The following ACSBG2 variants were observed in gnomAD, a reference collection of about 807,000 sequenced individuals.
The protein encoded by ACSBG2 is acyl-CoA synthetase bubblegum family member 2.
A neutral mutation model predicts 74.7 loss-of-function variants in ACSBG2; 62 were observed. That is an observed-to-expected ratio of 0.83 (90% confidence interval 0.68 to 1.03). ACSBG2 has a LOEUF of 1.03. Ranked by LOEUF, ACSBG2 falls within the 50% of genes least tolerant of loss-of-function variation. The pLI is 0.00. For synonymous variants in ACSBG2, 309 were observed against 294.1 expected (o/e 1.05, Z -0.52); for missense variants, 730 against 817.6 (o/e 0.89, Z 1.31).
chr19:6,192,627 G>A (rs527472352), intron 14 of ACSBG2, 41 bp from the exon 15 acceptor site: 4 of 152,154 alleles, frequency 2.6e-5, no homozygotes, highest in South Asian at 2.1e-4. Context: ...CACATATTAC[G>A]AGAATCCCCA....
chr19:6,151,813 G>A lies in ACSBG2; in HGVS notation c.386+18G>A, dbSNP rs746646233. On this transcript the variant is annotated intron_variant, in intron 4 of 14. Coordinates refer to ENST00000588485, the MANE Select transcript of ACSBG2 (RefSeq NM_030924.5). ...CTAGCCGGGTAAGGTCATTGGCTTG[G>A]TTCATGGTGAGGGTTAAGGAGCCGC... 1 of 1,576,346 alleles carries A rather than the reference G, an allele frequency of 6.3e-7. No homozygotes were observed. The highest frequency in any genetic ancestry group is 1.2e-5 in the South Asian group (1 of 86,228).
Position 6,147,650 on chromosome 19 carries a change from G to A in ACSBG2, c.272G>A (p.Arg91Gln), listed in dbSNP as rs773930895. The change falls in exon 3 of 15, where the codon CGG (arginine) becomes CAG (glutamine). Residue 91 changes from arginine (R) to glutamine (Q), a missense_variant. By Grantham distance (43) the Arg-to-Gln change is conservative (BLOSUM62 1). Transcript: ENST00000588485. Reference protein sequence around the residue: ...LNFNQYYEACRKAAKSLIKLG... With the variant: ...LNFNQYYEACQKAAKSLIKLG... The stretch of plus-strand genomic sequence containing the variant: ...TTCAACCAGTACTATGAGGCTTGTC[G>A]GAAGGCTGCAAAATCCTTGATCAAG... 33 of 1,614,010 alleles carry A rather than the reference G, an allele frequency of 2.0e-5. No homozygotes were observed. The highest frequency in any genetic ancestry group is 2.0e-4 in the East Asian group (9 of 44,898).
At chr19:6,181,481 G>T (rs2145229262) in intron 8 of ACSBG2, among the ~76,000 whole-genome samples, 1 of 152,218 alleles carries the variant, frequency 6.6e-6, no homozygotes, top group South Asian at 2.1e-4. Context: ...CCAAATTTGT[G>T]GTTTGCAAAT....
chr19:6,150,409 G>A (rs138196730), intron 3 of ACSBG2, among the ~76,000 whole-genome samples: 118 of 151,908 alleles, frequency 7.8e-4, no homozygotes, highest in African/African-American at 2.7e-3. Flanking sequence ...TCATAGCGGC[G>A]TTATTCACAA....
In ACSBG2 at chr19:6,189,101, G is replaced by C. The variant is rs75351061; in HGVS notation, c.1927+1256G>C. Among the ~76,000 whole-genome samples, 9 of 152,180 alleles carry C rather than the reference G, an allele frequency of 5.9e-5. No individual in the cohort carries two copies. In the East Asian group the frequency reaches 1.7e-3, roughly 29 times the overall value. Reference sequence around the variant, plus strand: ...CCTAATGATGAATGTTGAGTGTGCTGTAAGTGTGGCTGATTTTAGTTTGTC... The same window carrying C: ...CCTAATGATGAATGTTGAGTGTGCTCTAAGTGTGGCTGATTTTAGTTTGTC... On this transcript the variant is annotated intron_variant, in intron 13 of 14. Transcript: ENST00000588485.
Position 6,147,512 on chromosome 19 carries a change from C to T in ACSBG2, c.134C>T (p.Pro45Leu), listed in dbSNP as rs746012119. 2 of 1,614,184 alleles carry T rather than the reference C, an allele frequency of 1.2e-6. No homozygotes were observed. Among genetic ancestry groups the T allele is most frequent in the South Asian group, 1.1e-5 (1 of 91,084 alleles). Residue 45 changes from proline (P) to leucine (L), a missense_variant, in exon 3 of 15, where the codon CCA becomes CTA. Coordinates refer to ENST00000588485, the MANE Select transcript of ACSBG2 (RefSeq NM_030924.5). ...CTTCTGAGGCTATCCAAACACGGAC[C>T]AGGCCATGAGACCCCGATGACCATC... The part of the protein sequence containing the change: ...EVLLRLSKHG[P>L]GHETPMTIPE...
intron 3 of ACSBG2, among the ~76,000 whole-genome samples, chr19:6,151,468 C>T (rs79899501): frequency 0.041 from 6,231 of 152,030 alleles, 363 homozygotes; most frequent in African/African-American, 0.14. Flanking sequence ...CCACCATGCC[C>T]GGCGAACTTT....
At chr19:6,145,564 C>G (rs968367323) in intron 2 of ACSBG2, among the ~76,000 whole-genome samples, 5 of 152,124 alleles carry the variant, frequency 3.3e-5, no homozygotes, top group African/African-American at 1.2e-4. Context: ...CAAGGTTACA[C>G]ACCCAATTCT....
intron 5 of ACSBG2, among the ~76,000 whole-genome samples, chr19:6,159,750 C>T (rs762726624): frequency 1.1e-4 from 17 of 152,158 alleles, no homozygotes; most frequent in Non-Finnish European, 1.9e-4. Flanking sequence ...CCAAACTCCT[C>T]ATCTTTGCCT....
chr19:6,144,322 C>T (rs771253605), intron 2 of ACSBG2, among the ~76,000 whole-genome samples: 4 of 152,122 alleles, frequency 2.6e-5, no homozygotes, highest in Admixed American at 6.5e-5. Context: ...GTTAAAATGA[C>T]GTCATGAGGT....
intron 3 of ACSBG2, among the ~76,000 whole-genome samples, chr19:6,151,437 A>G (rs2089235765): frequency 1.3e-5 from 2 of 152,066 alleles, no homozygotes; most frequent in African/African-American, 4.8e-5. Flanking sequence ...CTACCCAAGT[A>G]GCCGGGACGA....
rs932771358 is a variant in ACSBG2 at position 6,187,971 on chromosome 19, A to G, written c.1927+126A>G. 13 of 1,410,700 alleles carry G rather than the reference A, an allele frequency of 9.2e-6. No individual in the cohort carries two copies. The African/African-American group carries it at 1.7e-4, about 19-fold the overall frequency. 87.4% of individuals were successfully genotyped at this position (1,410,700 alleles called of 1,614,324 possible). On this transcript the variant is annotated intron_variant, in intron 13 of 14. Coordinates refer to ENST00000588485, the MANE Select transcript of ACSBG2 (RefSeq NM_030924.5). ...AAACCAGCCAGGGACCAGGAGAGGG[A>G]GGCTGCCACCTTCAGCTAACTGGTC... is the stretch of plus-strand genomic sequence containing the variant.
intron 7 of ACSBG2, among the ~76,000 whole-genome samples, chr19:6,169,880 TTAAGAA>T (rs1422569744): frequency 2.0e-5 from 3 of 152,230 alleles, no homozygotes; most frequent in African/African-American, 7.2e-5. Flanking sequence ...GTTTTCAACT[TTAAGAA>T]TATTGGTATA....
chr19:6,141,369 T>C (rs1185567109), intron 1 of ACSBG2, 144 bp from the exon 2 acceptor site: 1 of 572,470 alleles, frequency 1.7e-6, no homozygotes, highest in East Asian at 2.9e-5. Flanking sequence ...TGCCGGCCAC[T>C]CTCCTCTCCT....
At chr19:6,178,657 G>A (rs2090156493) in intron 8 of ACSBG2, among the ~76,000 whole-genome samples, 1 of 152,146 alleles carries the variant, frequency 6.6e-6, no homozygotes, top group Admixed American at 6.5e-5. Context: ...TTACAGGCAT[G>A]AGCCACTGCA....
At chr19:6,182,692 T>G in intron 8 of ACSBG2, 59 bp from the exon 9 acceptor site, 2 of 1,538,094 alleles carry the variant, frequency 1.3e-6, no homozygotes, top group Non-Finnish European at 1.8e-6. Flanking sequence ...TCAGGAGAGA[T>G]GGACATCCCT....
intron 13 of ACSBG2, among the ~76,000 whole-genome samples, chr19:6,188,435 GT>G (rs2090466074): frequency 6.6e-6 from 1 of 152,158 alleles, no homozygotes; most frequent in African/African-American, 2.4e-5. Context: ...GAGCCCAGGA[GT>G]TTGAGACCAA....
intron 7 of ACSBG2, among the ~76,000 whole-genome samples, chr19:6,171,813 G>GT (rs1343274427): frequency 1.3e-5 from 2 of 151,754 alleles, no homozygotes; most frequent in African/African-American, 4.9e-5. Context: ...TGTTTTCCAA[G>GT]TTGCTTAATT....
intron 10 of ACSBG2, among the ~76,000 whole-genome samples, chr19:6,184,816 C>T (rs1201916347): frequency 2.1e-5 from 2 of 97,278 alleles, no homozygotes; most frequent in Non-Finnish European, 3.6e-5. Context: ...TTTTCTTTGC[C>T]GGCATATGTG....
Sources: allele counts gnomAD v4.1 joint callset (sites outside exome capture counted in the v4.1 genomes callset), GRCh38; gene constraint gnomAD v4.1.1; transcripts MANE v1.5; gene names NCBI Gene and HGNC (gene_info 2026-07-23, HGNC 2026-07-21).